Variants in TMPRSS9 observed in about 807,000 individuals in gnomAD.
The protein encoded by TMPRSS9 is transmembrane serine protease 9, also known as transmembrane protease serine 9.
TMPRSS9 carries 113 observed loss-of-function variants against 111.4 expected under a neutral mutation model. That is an observed-to-expected ratio of 1.01 (90% confidence interval 0.87 to 1.19). The LOEUF (loss-of-function observed/expected upper bound fraction) is 1.19. Among genes scored for constraint, TMPRSS9 ranks in the 50% most tolerant of loss-of-function variants. TMPRSS9 has a pLI of 0.00. For missense variants in TMPRSS9, 1,803 were observed against 1,513.1 expected, an observed-to-expected ratio of 1.19 and a Z score of -3.18; for synonymous variants, 805 against 659.1, an observed-to-expected ratio of 1.22 and a Z score of -3.39.
Position 2,414,038 on chromosome 19 carries a change from G to A in TMPRSS9, c.1573+20G>A. The A allele has an allele frequency of 2.6e-6, 4 of 1,532,342 alleles. No homozygotes were observed. The highest frequency in any genetic ancestry group is 2.6e-6 in the Non-Finnish European group (3 of 1,134,414). 94.9% of individuals were successfully genotyped at this position (1,532,342 alleles called of 1,614,324 possible). ...TACAAGGTATTTTCGGGGCAGAAAG[G>A]TAGAAGATGATGTACGTGCCTATCT... On this transcript the variant is annotated intron_variant, in intron 10 of 17. Transcript: ENST00000648592.
In TMPRSS9 at chr19:2,389,942, G is replaced by A. The variant is rs113386934; in HGVS notation, c.142+15G>A. On this transcript the variant is annotated intron_variant, in intron 1 of 17. Transcript: ENST00000648592. ...AGTCCTTTTGGGTAAGTGGCTATGGGATTGGCTGGGTTCGCAATACAAGGG... is the reference window on the plus strand; with the variant it reads ...AGTCCTTTTGGGTAAGTGGCTATGGAATTGGCTGGGTTCGCAATACAAGGG... The A allele has an allele frequency of 1.9e-6, 3 of 1,598,128 alleles. No homozygotes were observed. The highest frequency in any genetic ancestry group is 1.1e-5 in the South Asian group (1 of 90,708).
chr19:2,376,148 G>A (rs1402743736), intron 1 of TMPRSS9, among the ~76,000 whole-genome samples: 4 of 152,078 alleles, frequency 2.6e-5, no homozygotes, highest in African/African-American at 9.7e-5. Flanking sequence ...ATGTGTTCCC[G>A]CCTTTCCCAG....
chr19:2,415,923 C>T (rs1971221462), intron 11 of TMPRSS9, 82 bp downstream of exon 12: 1 of 1,458,608 alleles, frequency 6.9e-7, no homozygotes, highest in Non-Finnish European at 9.1e-7. Context: ...CCTGCTGGGG[C>T]TGCTGCATGG....
At chr19:2,374,506 G>A (rs1023337847) in intron 1 of TMPRSS9, among the ~76,000 whole-genome samples, 5 of 151,842 alleles carry the variant, frequency 3.3e-5, no homozygotes, top group Admixed American at 6.6e-5. Flanking sequence ...CCTGGGAGGC[G>A]GAGGTTGCAG....
chr19:2,413,752 T>C (rs1450486154), exon 10 of TMPRSS9: 4 of 1,613,860 alleles, frequency 2.5e-6, no homozygotes, highest in Non-Finnish European at 3.4e-6. Context: ...CGGTTCTTTC[T>C]GGCTGGCATC....
intron 1 of TMPRSS9, among the ~76,000 whole-genome samples, chr19:2,363,887 TCTC>T (rs1970227110): frequency 6.6e-6 from 1 of 150,940 alleles, no homozygotes; most frequent in Non-Finnish European, 1.5e-5. Context: ...AGAGCCTTAA[TCTC>T]CTCCTCTGTA....
At chr19:2,373,799 C>T (rs1970309272) in intron 1 of TMPRSS9, among the ~76,000 whole-genome samples, 1 of 152,254 alleles carries the variant, frequency 6.6e-6, no homozygotes, top group African/African-American at 2.4e-5. Context: ...AGTGCCCGGC[C>T]AACTTTTGCT....
At chr19:2,398,211 G>T (rs1333823084) in intron 2 of TMPRSS9, among the ~76,000 whole-genome samples, 1 of 151,566 alleles carries the variant, frequency 6.6e-6, no homozygotes, top group Non-Finnish European at 1.5e-5. Context: ...CAGGAGAATT[G>T]CTTGAACCTG....
chr19:2,393,551 C>G (rs1313004040), intron 1 of TMPRSS9, among the ~76,000 whole-genome samples: 1 of 152,100 alleles, frequency 6.6e-6, no homozygotes, highest in African/African-American at 2.4e-5. Context: ...ACCAAGAACC[C>G]ACGAATTTCG....
intron 1 of TMPRSS9, among the ~76,000 whole-genome samples, chr19:2,378,593 C>G (rs1481165598): frequency 1.3e-5 from 2 of 152,140 alleles, no homozygotes; most frequent in Non-Finnish European, 2.9e-5. Flanking sequence ...TGGTGCACAC[C>G]TGTAGTCCCA....
chr19:2,382,126 C>A (rs750519241), intron 1 of TMPRSS9, among the ~76,000 whole-genome samples: 7 of 152,196 alleles, frequency 4.6e-5, no homozygotes, highest in South Asian at 2.1e-4. Flanking sequence ...CAGGCATGAG[C>A]CACAGCACCC....
intron 12 of TMPRSS9, among the ~76,000 whole-genome samples, chr19:2,417,717 C>A (rs911606670): frequency 2.6e-5 from 4 of 152,142 alleles, no homozygotes; most frequent in Non-Finnish European, 5.9e-5. Context: ...CCTCCCACTC[C>A]AACAGTTAAT....
At chr19:2,382,336 T>A (rs1393776330) in intron 1 of TMPRSS9, among the ~76,000 whole-genome samples, 1 of 151,938 alleles carries the variant, frequency 6.6e-6, no homozygotes, top group Admixed American at 6.6e-5. Flanking sequence ...TTCGCCATGT[T>A]GGCCAGGCTG....
intron 16 of TMPRSS9, 43 bp downstream of exon 17, chr19:2,425,310 G>A (rs1971589789): frequency 3.2e-6 from 4 of 1,236,714 alleles, no homozygotes; most frequent in Admixed American, 4.6e-5. Context: ...CTCGGGGGGC[G>A]GCCGGACGCG....
intron 1 of TMPRSS9, among the ~76,000 whole-genome samples, chr19:2,372,033 G>A (rs779103460): frequency 3.3e-5 from 5 of 152,108 alleles, no homozygotes; most frequent in South Asian, 2.1e-4. Flanking sequence ...CACCATGCCC[G>A]GCTAAATTTT....
chr19:2,385,146 G>A (rs1343847260), upstream of TMPRSS9, among the ~76,000 whole-genome samples: 1 of 146,900 alleles, frequency 6.8e-6, no homozygotes, highest in Non-Finnish European at 1.5e-5. Context: ...CTCGCAGGGG[G>A]CGGAGCTCGC....
At chr19:2,424,298 A>G in intron 15 of TMPRSS9, 41 bp downstream of exon 16, 7 of 1,314,790 alleles carry the variant, frequency 5.3e-6, no homozygotes, top group Non-Finnish European at 6.8e-6. Flanking sequence ...ATGTCTCTGT[A>G]GCTCACCCGG....
At chr19:2,400,153 A>G (rs758010293) in intron 4 of TMPRSS9, among the ~76,000 whole-genome samples, 1 of 152,262 alleles carries the variant, frequency 6.6e-6, no homozygotes, top group Non-Finnish European at 1.5e-5. Context: ...AATAAAACTT[A>G]TTAAAAATAA....
chr19:2,377,721 T>C (rs368190136), intron 1 of TMPRSS9, among the ~76,000 whole-genome samples: 13 of 38,390 alleles, frequency 3.4e-4, no homozygotes, highest in African/African-American at 2.3e-3. Context: ...CTCTCTCTCT[T>C]TATTTTTTTC....
Sources: gnomAD v4.1 joint callset for allele counts (sites outside exome capture counted in the v4.1 genomes callset) on GRCh38, gnomAD v4.1.1 for gene constraint, MANE v1.5 for transcripts, NCBI Gene and HGNC (gene_info 2026-07-23, HGNC 2026-07-21) for gene names.